VPS33A: variants seen among roughly 807,000 people sequenced by gnomAD.
VPS33A encodes vacuolar protein sorting-associated protein 33A.
A neutral mutation model predicts 71.8 loss-of-function variants in VPS33A; 32 were observed. The ratio of observed to expected loss-of-function variants is 0.45; its 90% CI spans 0.34 to 0.60. The LOEUF (loss-of-function observed/expected upper bound fraction) is 0.60. Among genes scored for constraint, VPS33A ranks in the 20% least tolerant of loss-of-function variants. The pLI is 0.02. For missense variants in VPS33A, 625 were observed against 748.5 expected (o/e 0.84, Z 1.92); for synonymous variants, 311 against 292.7 (o/e 1.06, Z -0.64).
intron 7 of VPS33A, 92 bp from the exon 8 acceptor site, chr12:122,242,600 T>A (rs1196973738): frequency 2.1e-6 from 3 of 1,431,112 alleles, no homozygotes; most frequent in Non-Finnish European, 2.8e-6. Context: ...TTGCCCAGGC[T>A]GGAGTGCAGT....
At chr12:122,257,756 A>T (rs918087944) in intron 4 of VPS33A, among the ~76,000 whole-genome samples, 1 of 152,124 alleles carries the variant, frequency 6.6e-6, no homozygotes, top group Admixed American at 6.5e-5. Flanking sequence ...AACAAAAGTG[A>T]TATATTTACC....
intron 4 of VPS33A, among the ~76,000 whole-genome samples, chr12:122,257,713 A>T (rs1592929107): frequency 6.6e-6 from 1 of 152,190 alleles, no homozygotes; most frequent in East Asian, 1.9e-4. Flanking sequence ...AGAGTGGAAG[A>T]TTTATGAAGA....
In VPS33A at chr12:122,232,369, A is replaced by G; in HGVS notation, c.1668T>C (p.Ala556=). ...AGAGAAATCGCAGGGCAGCAATTTC[A>G]GCGAAGGTTACGCCCCCAAGGAAAA... ...LIFFLGGVTF[A]EIAALRFLSQ... Residue 556 remains alanine (A), a synonymous_variant, in exon 13 of 13, where the codon GCT becomes GCC. Transcript: ENST00000267199. 6.2e-7 allele frequency: 1 copy of G among 1,614,216 alleles called. No individual in the cohort carries two copies. Among genetic ancestry groups the G allele is most frequent in the South Asian group, 1.1e-5 (1 of 91,078 alleles).
In VPS33A at chr12:122,232,446, A is replaced by C. The variant is rs764410291; in HGVS notation, c.1610-19T>G. The C allele has an allele frequency of 3.1e-6, 5 of 1,601,774 alleles. No individual in the cohort carries two copies. In the African/African-American group the frequency reaches 5.4e-5, roughly 17 times the overall value. ...GGTTGACCTAAAATTTAAACATTTCAGAATTAAAAACTATTTATTATTAAT... is the reference window on the plus strand; with the variant it reads ...GGTTGACCTAAAATTTAAACATTTCCGAATTAAAAACTATTTATTATTAAT... On this transcript the variant is annotated intron_variant, in intron 12 of 12. Coordinates refer to ENST00000267199, the MANE Select transcript of VPS33A (RefSeq NM_022916.6).
intron 3 of VPS33A, among the ~76,000 whole-genome samples, 154 bp from the exon 4 acceptor site, chr12:122,261,601 G>C: frequency 6.6e-6 from 1 of 152,286 alleles, no homozygotes; most frequent in South Asian, 2.1e-4. Flanking sequence ...GGGTGCAGTG[G>C]CTCACACCTG....
chr12:122,232,296 G>C lies in VPS33A; in HGVS notation c.1741C>G (p.Leu581Val). 1 of 1,614,096 alleles carries C rather than the reference G, an allele frequency of 6.2e-7. No homozygotes were observed. Among genetic ancestry groups the C allele is most frequent in the Non-Finnish European group, 8.5e-7 (1 of 1,180,026 alleles). ...TCTATCCAACTGGTTCCATTCATTA[G>C]TTTAGTGGTGGCAATGACATATTCT... ...GTEYVIATTK[L>V]MNGTSWIEAL... Residue 581 changes from leucine (L) to valine (V), a missense_variant, in exon 13 of 13, where the codon CTA becomes GTA. By Grantham distance (32) the Leu-to-Val change is conservative (BLOSUM62 1). Transcript: ENST00000267199.
At chr12:122,233,776 T>C (rs532593118) in intron 11 of VPS33A, among the ~76,000 whole-genome samples, 9 of 152,264 alleles carry the variant, frequency 5.9e-5, no homozygotes, top group Admixed American at 5.2e-4. Context: ...AAAACCACTA[T>C]GTAGCAATTT....
intron 6 of VPS33A, among the ~76,000 whole-genome samples, chr12:122,247,329 C>T (rs893667906): frequency 6.6e-6 from 1 of 152,030 alleles, no homozygotes; most frequent in African/African-American, 2.4e-5. Context: ...CGCCTCTCCC[C>T]CCACCATTCC....
At chr12:122,257,164 C>G (rs758421827) in intron 4 of VPS33A, among the ~76,000 whole-genome samples, 1 of 151,962 alleles carries the variant, frequency 6.6e-6, no homozygotes, top group South Asian at 2.1e-4. Context: ...CAGTGGCTCA[C>G]GCCTGTAATT....
intron 11 of VPS33A, among the ~76,000 whole-genome samples, chr12:122,233,368 G>A (rs1362139542): frequency 6.6e-6 from 1 of 152,110 alleles, no homozygotes; most frequent in Non-Finnish European, 1.5e-5. Flanking sequence ...TGGGATTACA[G>A]GTGTGCACCA....
chr12:122,250,525 G>A (rs901340282), intron 5 of VPS33A, among the ~76,000 whole-genome samples: 4 of 152,154 alleles, frequency 2.6e-5, no homozygotes, highest in Non-Finnish European at 5.9e-5. Flanking sequence ...GTGCCTGAAC[G>A]AAGCGTCTCT....
intron 11 of VPS33A, among the ~76,000 whole-genome samples, chr12:122,233,183 A>T (rs1253108997): frequency 6.6e-6 from 1 of 151,730 alleles, no homozygotes; most frequent in Non-Finnish European, 1.5e-5. Context: ...CACTCAAAGC[A>T]GCTCTAGGTA....
At chr12:122,239,004 C>G (rs1213416282) in intron 9 of VPS33A, among the ~76,000 whole-genome samples, 1 of 89,872 alleles carries the variant, frequency 1.1e-5, no homozygotes, top group Non-Finnish European at 2.7e-5. Context: ...CATACACACA[C>G]ACACACACAC....
intron 4 of VPS33A, among the ~76,000 whole-genome samples, chr12:122,255,216 G>T (rs1252581488): frequency 6.6e-6 from 1 of 152,196 alleles, no homozygotes; most frequent in Admixed American, 6.5e-5. Flanking sequence ...TTAAAAATGA[G>T]TATACCATCA....
rs754869368 is a variant in VPS33A, at chr12:122,250,099, A to G, written c.601-54T>C. On this transcript the variant is annotated intron_variant, in intron 5 of 12. Transcript: ENST00000267199. ...GCCCCCCTGGGAACAAGCAGATTTT[A>G]AAATTTGTCTAAAACCAGAAAGACA... is the stretch of plus-strand genomic sequence containing the variant. 2.7e-6 allele frequency: 4 copies of G among 1,506,860 alleles called. No homozygotes were observed. The African/African-American group carries it at 4.2e-5, about 16-fold the overall frequency. 93.3% of individuals were successfully genotyped at this position (1,506,860 alleles called of 1,614,324 possible). A position where few individuals can be genotyped will look rare whatever the true frequency, so the allele number is the denominator to read the frequency against.
intron 9 of VPS33A, 46 bp from the exon 10 acceptor site, chr12:122,238,770 TAC>T (rs57522920): frequency 0.054 from 46,701 of 860,754 alleles, 60 homozygotes; most frequent in Middle Eastern, 0.081. Context: ...TACATATACA[TAC>T]ACACACACAC....
At chr12:122,243,062 C>T (rs1203838697) in intron 7 of VPS33A, among the ~76,000 whole-genome samples, 1 of 152,164 alleles carries the variant, frequency 6.6e-6, no homozygotes, top group Admixed American at 6.5e-5. Flanking sequence ...AGTCTGTCTT[C>T]CAATGTACCA....
chr12:122,261,552 G>T, intron 3 of VPS33A, 105 bp from the exon 4 acceptor site: 1 of 1,051,684 alleles, frequency 9.5e-7, no homozygotes, highest in Non-Finnish European at 1.4e-6. Context: ...CTAAATAAAT[G>T]CTGGCTAGAT....
chr12:122,234,125 G>T (rs557088346), intron 11 of VPS33A, among the ~76,000 whole-genome samples: 2 of 152,260 alleles, frequency 1.3e-5, no homozygotes, highest in African/African-American at 4.8e-5. Flanking sequence ...CAACAGTAGA[G>T]AATATGCACT....
Sources: gnomAD v4.1 joint callset for allele counts (sites outside exome capture counted in the v4.1 genomes callset) on GRCh38, gnomAD v4.1.1 for gene constraint, MANE v1.5 for transcripts, NCBI Gene and HGNC (gene_info 2026-07-23, HGNC 2026-07-21) for gene names.